The following PTPRD variants were observed in gnomAD, a reference collection of about 807,000 sequenced individuals.
PTPRD encodes the protein protein tyrosine phosphatase receptor type D, also known as receptor-type tyrosine-protein phosphatase delta.
A neutral mutation model predicts 214.5 loss-of-function variants in PTPRD; 34 were observed. The observed-to-expected ratio is 0.16, with a 90% CI of 0.12 to 0.21. PTPRD has a LOEUF of 0.21. Among genes scored for constraint, PTPRD ranks in the 10% least tolerant of loss-of-function variants. PTPRD has a pLI of 1.00. For synonymous variants in PTPRD, 1,128 were observed against 845.7 expected (o/e 1.33, Z -5.79); for missense variants, 2,545 against 2,398.7 (o/e 1.06, Z -1.27).
At chr9:10,257,086 T>G (rs761732485) in intron 3 of PTPRD, among the ~76,000 whole-genome samples, 18 of 152,058 alleles carry the variant, frequency 1.2e-4, no homozygotes, top group Non-Finnish European at 2.5e-4. Flanking sequence ...ACAAAAAATG[T>G]TAATTTTTCT....
intron 9 of PTPRD, among the ~76,000 whole-genome samples, chr9:9,339,583 T>C (rs893338985): frequency 2.0e-5 from 3 of 152,228 alleles, no homozygotes; most frequent in Admixed American, 6.5e-5. Flanking sequence ...TCACAGTTGT[T>C]ACATAACACA....
At chr9:9,402,491 G>T (rs538855706) in intron 8 of PTPRD, among the ~76,000 whole-genome samples, 2 of 152,010 alleles carry the variant, frequency 1.3e-5, no homozygotes, top group Non-Finnish European at 2.9e-5. Flanking sequence ...AATTTCTCTG[G>T]AAGGGTACAT....
In PTPRD at chr9:10,230,474, A is replaced by ATCTATCTATCTG. The variant is rs1554901799; in HGVS notation, c.-545+110488_-545+110489insCAGATAGATAGA. On this transcript the variant is annotated intron_variant, in intron 3 of 45. Transcript: ENST00000381196. ...TATCTATCTATCTATCTATCTATCT[A>ATCTATCTATCTG]TCTGTCTATCTACCTATCCATCTAT... Among the ~76,000 whole-genome samples the ATCTATCTATCTG allele has an allele frequency of 4.6e-5, 7 of 151,196 alleles. No homozygotes were observed. In the South Asian group the frequency reaches 6.3e-4, roughly 14 times the overall value.
At chr9:9,408,846 T>C (rs910893842) in intron 8 of PTPRD, among the ~76,000 whole-genome samples, 16 of 152,054 alleles carry the variant, frequency 1.1e-4, no homozygotes, top group African/African-American at 3.9e-4. Flanking sequence ...TATTTTCTTT[T>C]TCCTGTCATT....
intron 3 of PTPRD, among the ~76,000 whole-genome samples, chr9:10,057,187 G>A (rs960631819): frequency 6.6e-6 from 1 of 152,076 alleles, no homozygotes. Context: ...GTTCTGGAAG[G>A]CTGTACAATA....
chr9:8,776,670 A>G (rs1292307001), intron 11 of PTPRD, among the ~76,000 whole-genome samples: 1 of 151,960 alleles, frequency 6.6e-6, no homozygotes, highest in African/African-American at 2.4e-5. Flanking sequence ...TAGCAGCAGT[A>G]TGAGTGATAG....
At chr9:8,345,362 C>T (rs2132770165) in intron 39 of PTPRD, among the ~76,000 whole-genome samples, 1 of 152,224 alleles carries the variant, frequency 6.6e-6, no homozygotes, top group African/African-American at 2.4e-5. Context: ...ATTTAGCACC[C>T]TGTTCCCAGC....
intron 36 of PTPRD, among the ~76,000 whole-genome samples, chr9:8,392,849 A>T (rs2090039987): frequency 6.6e-6 from 1 of 152,104 alleles, no homozygotes; most frequent in Admixed American, 6.6e-5. Context: ...AACCCAATAT[A>T]ACACACTGTG....
intron 9 of PTPRD, among the ~76,000 whole-genome samples, chr9:9,275,121 A>G (rs75041121): frequency 1.2e-4 from 7 of 56,728 alleles, no homozygotes; most frequent in Admixed American, 9.5e-4. Flanking sequence ...TATATATATT[A>G]TATATATTAT....
intron 3 of PTPRD, among the ~76,000 whole-genome samples, chr9:10,298,245 A>G (rs2095746799): frequency 1.3e-5 from 2 of 152,108 alleles, no homozygotes; most frequent in South Asian, 4.1e-4. Flanking sequence ...CTTGTTCCCT[A>G]AAATAGAAAT....
intron 9 of PTPRD, among the ~76,000 whole-genome samples, chr9:9,297,163 A>G (rs1166371062): frequency 1.3e-5 from 2 of 151,670 alleles, no homozygotes; most frequent in South Asian, 2.1e-4. Flanking sequence ...TTTCCCCTTT[A>G]TCTCCAGAGC....
chr9:8,988,915 A>T (rs1488386837), intron 11 of PTPRD, among the ~76,000 whole-genome samples: 1 of 152,134 alleles, frequency 6.6e-6, no homozygotes, highest in Non-Finnish European at 1.5e-5. Flanking sequence ...GCATGAATGA[A>T]TGTAAATTGA....
intron 6 of PTPRD, among the ~76,000 whole-genome samples, chr9:9,757,707 C>G (rs1349596567): frequency 6.6e-6 from 1 of 152,078 alleles, no homozygotes. Context: ...ATTATGCATT[C>G]TATTATTCAG....
chr9:9,241,745 T>C (rs1012158579), intron 9 of PTPRD, among the ~76,000 whole-genome samples: 6 of 151,690 alleles, frequency 4.0e-5, no homozygotes, highest in Non-Finnish European at 7.4e-5. Context: ...TGTCTCTCCA[T>C]ACGAGATGGG....
chr9:9,818,770 G>A (rs914130259), intron 5 of PTPRD, among the ~76,000 whole-genome samples: 1 of 151,886 alleles, frequency 6.6e-6, no homozygotes, highest in Non-Finnish European at 1.5e-5. Context: ...ACAAAAAGTA[G>A]CTGGGTGTAG....
At chr9:8,990,519 C>A (rs558267588) in intron 11 of PTPRD, among the ~76,000 whole-genome samples, 1 of 152,282 alleles carries the variant, frequency 6.6e-6, no homozygotes, top group East Asian at 1.9e-4. Flanking sequence ...CTCTGACCCT[C>A]CCCTGCCCTC....
intron 5 of PTPRD, among the ~76,000 whole-genome samples, chr9:9,838,151 C>T (rs996816133): frequency 6.6e-5 from 10 of 152,196 alleles, no homozygotes; most frequent in African/African-American, 2.4e-4. Context: ...GCCACATTTT[C>T]TTAATCCAGT....
intron 9 of PTPRD, among the ~76,000 whole-genome samples, chr9:9,366,237 G>T (rs2057855083): frequency 6.6e-6 from 1 of 151,472 alleles, no homozygotes; most frequent in African/African-American, 2.4e-5. Context: ...TATATATATG[G>T]CTTACACCTG....
chr9:8,499,549 T>C (rs1221575305), intron 25 of PTPRD, 98 bp downstream of exon 25: 134 of 1,281,156 alleles, frequency 1.0e-4, no homozygotes, highest in Non-Finnish European at 1.4e-4. Flanking sequence ...GTATAGGATT[T>C]TTTAAATGTC....
Sources: gnomAD v4.1 joint callset for allele counts (sites outside exome capture counted in the v4.1 genomes callset) on GRCh38, gnomAD v4.1.1 for gene constraint, MANE v1.5 for transcripts, NCBI Gene and HGNC (gene_info 2026-07-23, HGNC 2026-07-21) for gene names.